The following ILDR2 variants were observed in gnomAD, a reference collection of about 807,000 sequenced individuals.
The protein encoded by ILDR2 is immunoglobulin-like domain-containing receptor 2.
In ILDR2, 25 loss-of-function variants were observed where a neutral mutation model predicts 66.8. The observed-to-expected ratio is 0.37, with a 90% CI of 0.27 to 0.52. The LOEUF (loss-of-function observed/expected upper bound fraction) is 0.52, where lower values mean the gene tolerates loss of function less well. ILDR2 is among the 20% of genes least tolerant of loss of function. ILDR2 has a pLI of 0.88. For synonymous variants in ILDR2, 367 were observed against 357.2 expected, an observed-to-expected ratio of 1.03 and a Z score of -0.31; for missense variants, 827 against 876.8, an observed-to-expected ratio of 0.94 and a Z score of 0.72.
At position 166,972,963 on chromosome 1, in the gene ILDR2, T is replaced by G. The variant is rs548965456; in HGVS notation, c.46+2260A>C. On this transcript the variant is annotated intron_variant, in intron 1 of 9. Coordinates refer to ENST00000271417, the MANE Select transcript of ILDR2 (RefSeq NM_199351.3). ...AATTCATCTCCTCCTTGTCTGCTTC[T>G]GTCTCCTCCCTCCCCTCCCCAGCCG... is the stretch of plus-strand genomic sequence containing the variant. 1.6e-3 allele frequency among the ~76,000 whole-genome samples: 245 copies of G among 152,314 alleles called. 1 individual carries two copies. The highest frequency in any genetic ancestry group is 2.9e-3 in the Admixed American group (44 of 15,302).
intron 1 of ILDR2, among the ~76,000 whole-genome samples, chr1:166,971,017 A>G (rs1269275895): frequency 1.3e-5 from 2 of 152,186 alleles, no homozygotes; most frequent in Non-Finnish European, 2.9e-5. Context: ...TTTACACCCA[A>G]GCCTATCCTT....
chr1:166,921,124 G>A lies in ILDR2; in HGVS notation c.1467C>T (p.Thr489=), dbSNP rs764229019. 2.6e-6 allele frequency: 4 copies of A among 1,528,680 alleles called. No individual in the cohort carries two copies. The highest frequency in any genetic ancestry group is 3.5e-6 in the Non-Finnish European group (4 of 1,143,556). 94.7% of individuals were successfully genotyped at this position (1,528,680 alleles called of 1,614,324 possible). Residue 489 remains threonine, a synonymous_variant, in exon 9 of 10, where the codon ACC becomes ACT. Coordinates refer to ENST00000271417, the MANE Select transcript of ILDR2 (RefSeq NM_199351.3). The surrounding 1 kb of genome is among the most constrained non-coding windows in gnomAD (Gnocchi z 5.3). ...TGAAGGCCCAGCCGCGGTCAGCATC[G>A]GTCAGGGGCTCGCGGCTGCGGCTGC... The part of the protein sequence containing the change: ...GQRSRSREPL[T]DADRGWAFSP...
At chr1:166,972,412 G>C (rs1663362550) in intron 1 of ILDR2, among the ~76,000 whole-genome samples, 1 of 152,134 alleles carries the variant, frequency 6.6e-6, no homozygotes, top group South Asian at 2.1e-4. Context: ...AACAAAGACA[G>C]AGTGAACCCT....
intron 3 of ILDR2, among the ~76,000 whole-genome samples, chr1:166,951,412 G>A (rs1398084654): frequency 6.6e-6 from 1 of 152,170 alleles, no homozygotes; most frequent in Non-Finnish European, 1.5e-5. Flanking sequence ...AGCCATGCTT[G>A]AAGCTAGGAA....
At chr1:166,939,481 A>G (rs1391018356) in intron 4 of ILDR2, 33 bp downstream of exon 4, 1 of 1,583,636 alleles carries the variant, frequency 6.3e-7, no homozygotes, top group African/African-American at 1.3e-5. Context: ...ATAACAGCAA[A>G]TCAAGCAAAT....
At chr1:166,967,136 G>GAGCC (rs1268520416) in intron 1 of ILDR2, among the ~76,000 whole-genome samples, 1 of 152,214 alleles carries the variant, frequency 6.6e-6, no homozygotes, top group Admixed American at 6.5e-5. Context: ...CAGGACAAAG[G>GAGCC]TATGTTAGGA....
intron 1 of ILDR2, among the ~76,000 whole-genome samples, chr1:166,964,546 C>T (rs1433899665): frequency 2.0e-5 from 3 of 152,184 alleles, no homozygotes; most frequent in Non-Finnish European, 2.9e-5. Flanking sequence ...GAAAACCGAA[C>T]CTGTGAGTCT....
intron 3 of ILDR2, among the ~76,000 whole-genome samples, chr1:166,945,133 A>T (rs1661540588): frequency 6.6e-6 from 1 of 152,242 alleles, no homozygotes; most frequent in Admixed American, 6.5e-5. Context: ...TCATTTATTC[A>T]TGCAGCATTA....
At chr1:166,898,610 G>A (rs989033981) in intron 2 of ILDR2, among the ~76,000 whole-genome samples, 1 of 152,148 alleles carries the variant, frequency 6.6e-6, no homozygotes, top group Non-Finnish European at 1.5e-5. Flanking sequence ...TCTGGATAAG[G>A]AGGGCACACT....
At chr1:166,932,254 A>C (rs1346755778) in intron 6 of ILDR2, among the ~76,000 whole-genome samples, 2 of 152,246 alleles carry the variant, frequency 1.3e-5, no homozygotes, top group Admixed American at 6.5e-5. Context: ...GCAATCAGAC[A>C]ATCTTAGCAA....
intron 3 of ILDR2, among the ~76,000 whole-genome samples, chr1:166,948,741 G>A (rs992034933): frequency 3.9e-5 from 6 of 152,168 alleles, no homozygotes; most frequent in Admixed American, 2.0e-4. Flanking sequence ...CCGTGGAATG[G>A]GCTAAAGGAA....
At chr1:166,924,288 C>T (rs1660142305) in intron 7 of ILDR2, among the ~76,000 whole-genome samples, 1 of 152,172 alleles carries the variant, frequency 6.6e-6, no homozygotes, top group African/African-American at 2.4e-5. Context: ...CCCATGAATT[C>T]CAGTATCCCA....
intron 3 of ILDR2, 72 bp downstream of exon 3, chr1:166,956,661 G>A: frequency 1.3e-6 from 2 of 1,552,476 alleles, no homozygotes; most frequent in Non-Finnish European, 1.7e-6. Flanking sequence ...GGGGAGAAGT[G>A]AGAAGAGGGA....
At chr1:166,922,544 C>T (rs373329279) in intron 8 of ILDR2, 49 bp downstream of exon 8, 1 of 1,513,080 alleles carries the variant, frequency 6.6e-7, no homozygotes, top group Non-Finnish European at 9.2e-7. Flanking sequence ...CCCTGCCTTC[C>T]AGCTCCTGCC....
At chr1:166,896,635 CTT>C (rs71753303) in intron 2 of ILDR2, among the ~76,000 whole-genome samples, 25 of 131,494 alleles carry the variant, frequency 1.9e-4, no homozygotes, top group African/African-American at 3.4e-4. Flanking sequence ...ACTTCATCTA[CTT>C]TTTTTTTTTT....
At chr1:166,929,340 G>C (rs950107982) in intron 6 of ILDR2, among the ~76,000 whole-genome samples, 5 of 152,124 alleles carry the variant, frequency 3.3e-5, no homozygotes, top group Admixed American at 6.6e-5. Context: ...GAAAAGTTCT[G>C]TCTCTCTCTC....
Position 166,921,067 on chromosome 1 carries a change from C to T in ILDR2, c.1524G>A (p.Ala508=), listed in dbSNP as rs571910239. Residue 508 remains alanine (A), a synonymous_variant, in exon 9 of 10, where the codon GCG becomes GCA. Coordinates refer to ENST00000271417, the MANE Select transcript of ILDR2 (RefSeq NM_199351.3). The surrounding 1 kb of genome is among the most constrained non-coding windows in gnomAD (Gnocchi z 5.3). ...TGCGGCTCACCAGCCGCGGCAGGTG[C>T]GCGTCCTCGGCGGGTCTGCGGCGCG... is the stretch of plus-strand genomic sequence containing the variant. ...SPARRRPAED[A]HLPRLVSRTP... 2.8e-5 allele frequency: 42 copies of T among 1,490,626 alleles called. No individual in the cohort carries two copies. Among genetic ancestry groups the T allele is most frequent in the East Asian group, 5.5e-5 (2 of 36,574 alleles). 92.3% of individuals were successfully genotyped at this position (1,490,626 alleles called of 1,614,324 possible). A position where few individuals can be genotyped will look rare whatever the true frequency, so the allele number is the denominator to read the frequency against.
chr1:166,961,951 C>T (rs556866355), intron 1 of ILDR2, among the ~76,000 whole-genome samples: 1 of 152,284 alleles, frequency 6.6e-6, no homozygotes, highest in East Asian at 1.9e-4. Flanking sequence ...CGTGTATGCA[C>T]ACATGCATAC....
At position 166,917,392 on chromosome 1, in the gene ILDR2, T is replaced by A. The variant is rs749267999; in HGVS notation, c.*1963A>T. 3.3e-5 allele frequency: 5 copies of A among 152,188 alleles called. No homozygotes were observed. The highest frequency in any genetic ancestry group is 5.9e-5 in the Non-Finnish European group (4 of 68,044). 9.4% of individuals were successfully genotyped at this position (152,188 alleles called of 1,614,324 possible). A position where few individuals can be genotyped will look rare whatever the true frequency, so the allele number is the denominator to read the frequency against. ...GTACAAATGGATACTAGAGGAATGG[T>A]ACTTTGAGAATAGGGTCTAGCCCCA... On this transcript the variant is annotated 3_prime_UTR_variant, in exon 10 of 10. Transcript: ENST00000271417.
Sources: gnomAD v4.1 joint callset for allele counts (sites outside exome capture counted in the v4.1 genomes callset) on GRCh38, gnomAD v4.1.1 for gene constraint, Gnocchi (gnomAD v3.1) non-coding constraint, MANE v1.5 for transcripts, NCBI Gene and HGNC (gene_info 2026-07-23, HGNC 2026-07-21) for gene names.